Variants in COL25A1 observed in about 807,000 individuals in gnomAD.
COL25A1 encodes the protein collagen alpha-1(XXV) chain.
A neutral mutation model predicts 128.4 loss-of-function variants in COL25A1; 103 were observed. The ratio of observed to expected loss-of-function variants is 0.80; its 90% confidence interval spans 0.68 to 0.94. The LOEUF (loss-of-function observed/expected upper bound fraction) is 0.94, where lower values mean the gene tolerates loss of function less well. Among genes scored for constraint, COL25A1 ranks in the 40% least tolerant of loss-of-function variants. The pLI is 0.00. For missense variants in COL25A1, 745 were observed against 840.0 expected (o/e 0.89, Z 1.40); for synonymous variants, 279 against 277.2 (o/e 1.01, Z -0.06).
At chr4:108,908,926 G>A (rs573372616) in intron 13 of COL25A1, among the ~76,000 whole-genome samples, 3 of 152,228 alleles carry the variant, frequency 2.0e-5, no homozygotes, top group East Asian at 3.9e-4. Context: ...TTGGCAGGTC[G>A]AGGTGGGGCC....
intron 5 of COL25A1, among the ~76,000 whole-genome samples, chr4:109,019,388 A>ATATATATATATATATT (rs1757519350): frequency 7.1e-6 from 1 of 140,828 alleles, no homozygotes; most frequent in South Asian, 2.2e-4. Context: ...ATATATATAT[A>ATATATATATATATATT]TATATATATA....
At chr4:108,926,060 A>C (rs537933244) in intron 11 of COL25A1, among the ~76,000 whole-genome samples, 1 of 152,234 alleles carries the variant, frequency 6.6e-6, no homozygotes, top group Non-Finnish European at 1.5e-5. Context: ...GAACAAAAAA[A>C]TAACACAGAA....
At chr4:109,203,006 T>C (rs1776696682) in intron 3 of COL25A1, among the ~76,000 whole-genome samples, 1 of 151,298 alleles carries the variant, frequency 6.6e-6, no homozygotes, top group African/African-American at 2.4e-5. Flanking sequence ...GTAAAAAAAA[T>C]CAAAGAAATA....
At chr4:108,908,704 A>G (rs1201359657) in intron 13 of COL25A1, among the ~76,000 whole-genome samples, 2 of 152,204 alleles carry the variant, frequency 1.3e-5, no homozygotes, top group African/African-American at 4.8e-5. Context: ...AGAGTAATTC[A>G]CACAGAGGCG....
intron 3 of COL25A1, among the ~76,000 whole-genome samples, chr4:109,196,517 T>G (rs938342030): frequency 3.3e-5 from 5 of 152,224 alleles, no homozygotes; most frequent in African/African-American, 9.6e-5. Context: ...ATATAAATCA[T>G]GTATCCTCAA....
intron 18 of COL25A1, among the ~76,000 whole-genome samples, chr4:108,887,934 TG>T (rs2125842043): frequency 6.6e-6 from 1 of 152,304 alleles, no homozygotes; most frequent in South Asian, 2.1e-4. Flanking sequence ...TTAGATTGTC[TG>T]AGAAGATCAG....
intron 3 of COL25A1, among the ~76,000 whole-genome samples, chr4:109,188,468 A>G (rs1208828645): frequency 6.6e-6 from 1 of 152,128 alleles, no homozygotes; most frequent in Non-Finnish European, 1.5e-5. Flanking sequence ...GGGTGGGGGA[A>G]TCAAACACAA....
intron 3 of COL25A1, among the ~76,000 whole-genome samples, chr4:109,189,900 T>A (rs935294398): frequency 2.0e-5 from 3 of 152,056 alleles, no homozygotes; most frequent in Non-Finnish European, 4.4e-5. Flanking sequence ...ATTGGTGGGA[T>A]TTTTTCCCCA....
chr4:109,226,094 T>C (rs1407537680), intron 3 of COL25A1, among the ~76,000 whole-genome samples: 2 of 152,028 alleles, frequency 1.3e-5, no homozygotes, highest in African/African-American at 4.8e-5. Flanking sequence ...TGGGTGAAAC[T>C]GGAGACCATT....
chr4:108,983,111 G>A (rs772469953), intron 6 of COL25A1, among the ~76,000 whole-genome samples: 2 of 152,108 alleles, frequency 1.3e-5, no homozygotes, highest in Admixed American at 6.5e-5. Context: ...TCAAAACGAA[G>A]GGAACCCTTC....
intron 13 of COL25A1, among the ~76,000 whole-genome samples, chr4:108,914,975 G>A (rs907348832): frequency 6.6e-6 from 1 of 152,110 alleles, no homozygotes; most frequent in Non-Finnish European, 1.5e-5. Flanking sequence ...TTAAGTGATT[G>A]GCCCAAATGA....
rs1730768102 is a variant in COL25A1 at position 108,811,246 on chromosome 4, A to C, written c.*2681T>G. ...TTATCCATCATGGTTAAGACCTAGC[A>C]ATTCCACTGAACAAGGAGGAGTATT... is the stretch of plus-strand genomic sequence containing the variant. On this transcript the variant is annotated 3_prime_UTR_variant, in exon 38 of 38. Transcript: ENST00000399132. 1 of 152,072 alleles carries C rather than the reference A, an allele frequency of 6.6e-6. No individual in the cohort carries two copies. Among genetic ancestry groups the C allele is most frequent in the Non-Finnish European group, 1.5e-5 (1 of 67,926 alleles). The allele number at this position is 152,072 out of a possible 1,614,324, so 9.4% of individuals were successfully genotyped here.
intron 6 of COL25A1, among the ~76,000 whole-genome samples, chr4:108,977,879 C>T (rs1351913972): frequency 3.3e-5 from 5 of 152,198 alleles, no homozygotes; most frequent in Non-Finnish European, 7.3e-5. Context: ...ATATCCACCC[C>T]CTTCCCAGGT....
intron 36 of COL25A1, among the ~76,000 whole-genome samples, chr4:108,817,930 T>G (rs1004482912): frequency 3.9e-5 from 6 of 152,134 alleles, no homozygotes; most frequent in African/African-American, 1.4e-4. Flanking sequence ...TTTTCTATAT[T>G]GAAAGTAAAT....
At chr4:108,953,472 G>A (rs1184544399) in intron 8 of COL25A1, among the ~76,000 whole-genome samples, 1 of 152,124 alleles carries the variant, frequency 6.6e-6, no homozygotes, top group East Asian at 1.9e-4. Flanking sequence ...TATATTTGAT[G>A]TCATTTGTAC....
chr4:109,229,090 C>T (rs979218982), intron 3 of COL25A1, among the ~76,000 whole-genome samples: 1 of 152,062 alleles, frequency 6.6e-6, no homozygotes, highest in African/African-American at 2.4e-5. Context: ...TTAAAGAAAA[C>T]CCCCAGAGAG....
chr4:109,006,378 A>ATTTTTTTTTTTTT lies in COL25A1; in HGVS notation c.438+3967_438+3979dup, dbSNP rs56845799. Among the ~76,000 whole-genome samples the ATTTTTTTTTTTTT allele has an allele frequency of 3.1e-3, 159 of 51,868 alleles. 1 individual carries two copies. The highest frequency in any genetic ancestry group is 9.5e-3 in the East Asian group (11 of 1,164). 34.0% of individuals were successfully genotyped at this position (51,868 alleles called of 152,430 possible). ...AGGTGTGCACTGCCACACCCAGCTA[A>ATTTTTTTTTTTTT]TTTTTTTTTTTTTTTTTTTTTTTTT... is the stretch of plus-strand genomic sequence containing the variant. On this transcript the variant is annotated intron_variant, in intron 6 of 37. Coordinates refer to ENST00000399132, the MANE Select transcript of COL25A1 (RefSeq NM_198721.4).
intron 3 of COL25A1, among the ~76,000 whole-genome samples, chr4:109,132,741 T>C (rs1769343946): frequency 6.6e-6 from 1 of 152,146 alleles, no homozygotes; most frequent in Admixed American, 6.5e-5. Context: ...TTTTTTATTT[T>C]CAGGAGATAA....
intron 8 of COL25A1, among the ~76,000 whole-genome samples, chr4:108,957,029 T>A (rs1266932845): frequency 2.0e-5 from 3 of 152,162 alleles, no homozygotes; most frequent in Non-Finnish European, 4.4e-5. Flanking sequence ...ATTTATACAT[T>A]AATATATGAT....
Sources: allele counts gnomAD v4.1 joint callset (sites outside exome capture counted in the v4.1 genomes callset), GRCh38; gene constraint gnomAD v4.1.1; transcripts MANE v1.5; gene names NCBI Gene and HGNC (gene_info 2026-07-23, HGNC 2026-07-21).